PCDHA5: variants seen among roughly 807,000 people sequenced by gnomAD.
PCDHA5 encodes protocadherin alpha 5.
In PCDHA5, 43 loss-of-function variants were observed where a neutral mutation model predicts 61.6. The observed-to-expected ratio is 0.70, with a 90% CI of 0.55 to 0.90. The LOEUF (loss-of-function observed/expected upper bound fraction) is 0.90, where lower values mean the gene tolerates loss of function less well. PCDHA5 is among the 40% of genes least tolerant of loss of function. The probability of loss-of-function intolerance (pLI) is 0.00; values close to 1 mark genes in which losing one functional copy is unlikely to be tolerated. For synonymous variants in PCDHA5, 627 were observed against 543.9 expected (o/e 1.15, Z -2.13); for missense variants, 1,298 against 1,222.7 (o/e 1.06, Z -0.92).
At chr5:140,967,123 C>T in intron 1 of PCDHA5, 1 of 1,612,724 alleles carries the variant, frequency 6.2e-7, no homozygotes, top group Non-Finnish European at 8.5e-7. Context: ...GCTGCCTGCT[C>T]AGCTTGGAAG....
intron 1 of PCDHA5, chr5:140,836,228 G>A (rs2150255962): frequency 1.2e-6 from 2 of 1,613,770 alleles, no homozygotes; most frequent in Admixed American, 1.7e-5. Context: ...AACCGGTGGC[G>A]GCCGGTGCGA....
At chr5:140,829,863 T>C in intron 1 of PCDHA5, 3 of 1,613,908 alleles carry the variant, frequency 1.9e-6, no homozygotes, top group Non-Finnish European at 2.5e-6. Flanking sequence ...GGCCAAGTGG[T>C]GGCGAAGGTG....
intron 3 of PCDHA5, among the ~76,000 whole-genome samples, chr5:140,994,425 G>A (rs769335292): frequency 5.3e-5 from 8 of 152,118 alleles, no homozygotes; most frequent in African/African-American, 1.7e-4. Context: ...TATTGAGGCC[G>A]GGCGCAGTGG....
In PCDHA5 at chr5:140,822,378, A is replaced by T; in HGVS notation, c.603A>T (p.Arg201Ser). 6.2e-7 allele frequency: 1 copy of T among 1,614,170 alleles called. No individual in the cohort carries two copies. Among genetic ancestry groups the T allele is most frequent in the Non-Finnish European group, 8.5e-7 (1 of 1,180,038 alleles). Residue 201 changes from arginine to serine, a missense_variant, in exon 1 of 4, where the codon AGA becomes AGT. Transcript: ENST00000529859. ...LELVLRKSLD[R>S]EETQEHRLLV... ...TGGTTTTGAGGAAATCCTTAGATAG[A>T]GAAGAAACACAAGAACACCGTTTAT...
intron 1 of PCDHA5, chr5:140,858,468 G>A: frequency 6.6e-7 from 1 of 1,521,202 alleles, no homozygotes; most frequent in East Asian, 2.4e-5. Context: ...TTCCTTTTGT[G>A]CTTTATGAAT....
Position 140,822,326 on chromosome 5 carries a change from A to G in PCDHA5, c.551A>G (p.Asn184Ser). Residue 184 changes from asparagine (N) to serine (S), a missense_variant, in exon 1 of 4, where the codon AAT becomes AGT. By Grantham distance (46) the Asn-to-Ser change is conservative. Coordinates refer to ENST00000529859, the MANE Select transcript of PCDHA5 (RefSeq NM_018908.3). ...NEYFDLDVKTNEEETNFLELV... is the reference protein window; with the variant it reads ...NEYFDLDVKTSEEETNFLELV... ...TATTTTGACTTAGATGTTAAAACAA[A>G]TGAAGAAGAAACGAACTTTTTAGAG... 6.2e-7 allele frequency: 1 copy of G among 1,614,186 alleles called. No individual in the cohort carries two copies. Among genetic ancestry groups the G allele is most frequent in the Non-Finnish European group, 8.5e-7 (1 of 1,180,022 alleles).
chr5:140,823,024 G>T lies in PCDHA5; in HGVS notation c.1249G>T (p.Val417Leu), dbSNP rs2150121461. 3 of 1,614,202 alleles carry T rather than the reference G, an allele frequency of 1.9e-6. No homozygotes were observed. Among genetic ancestry groups the T allele is most frequent in the East Asian group, 2.2e-5 (1 of 44,884 alleles). ...GGACAGCGCCCTGGACCGCGAGAGC[G>T]TGTCGGTCTATGAGCTGGTGGTGAC... ...VLDSALDRES[V>L]SVYELVVTAR... Residue 417 changes from valine (V) to leucine (L), a missense_variant, in exon 1 of 4, where the codon GTG becomes TTG. Val to Leu is a conservative substitution (Grantham distance 32, BLOSUM62 1). Transcript: ENST00000529859.
chr5:140,856,177 C>T (rs200004763), intron 1 of PCDHA5: 1 of 1,598,248 alleles, frequency 6.3e-7, no homozygotes, highest in Non-Finnish European at 8.6e-7. Context: ...ACGGCACCTT[C>T]GTGGGCCGCA....
chr5:141,006,872 G>T (rs1211849672), intron 3 of PCDHA5, among the ~76,000 whole-genome samples: 1 of 152,144 alleles, frequency 6.6e-6, no homozygotes, highest in Non-Finnish European at 1.5e-5. Flanking sequence ...ATAGATTCGA[G>T]GAATCAAGAG....
chr5:140,998,524 T>A (rs553357630), intron 3 of PCDHA5, among the ~76,000 whole-genome samples: 1 of 152,328 alleles, frequency 6.6e-6, no homozygotes, highest in East Asian at 1.9e-4. Flanking sequence ...TTATTCATAT[T>A]TATATCCCTA....
intron 1 of PCDHA5, chr5:140,930,415 G>T (rs2086824319): frequency 6.6e-6 from 1 of 151,804 alleles, no homozygotes; most frequent in African/African-American, 2.4e-5. Flanking sequence ...TGAGACAGGG[G>T]TCTCACTATG....
intron 1 of PCDHA5, chr5:140,877,800 T>C (rs2057344527): frequency 6.2e-7 from 1 of 1,613,404 alleles, no homozygotes; most frequent in Non-Finnish European, 8.5e-7. Context: ...GCCCAAGCCT[T>C]CAGCTGTCTC....
intron 1 of PCDHA5, chr5:140,928,983 G>T: frequency 6.2e-7 from 1 of 1,613,838 alleles, no homozygotes; most frequent in Non-Finnish European, 8.5e-7. Flanking sequence ...TATTTCTGGG[G>T]TGCTTACTTT....
intron 1 of PCDHA5, chr5:140,829,291 C>T (rs1224318047): frequency 9.3e-6 from 15 of 1,614,130 alleles, no homozygotes; most frequent in Middle Eastern, 1.6e-4. Context: ...TGGTGTCCAC[C>T]TTCAAGAATT....
chr5:140,843,859 T>C lies in PCDHA5; in HGVS notation c.2352+19732T>C, dbSNP rs1779121343. ...GTTTTTAGAAACCTTTTATAATTAA[T>C]TGAATTTTCTCAGTGGCATAATACA... On this transcript the variant is annotated intron_variant, in intron 1 of 3. Coordinates refer to ENST00000529859, the MANE Select transcript of PCDHA5 (RefSeq NM_018908.3). 13 of 919,578 alleles carry C rather than the reference T, an allele frequency of 1.4e-5. No individual in the cohort carries two copies. The East Asian group carries it at 3.1e-4, about 22-fold the overall frequency. The allele number at this position is 919,578 out of a possible 1,614,324, so 57.0% of individuals were successfully genotyped here. A position where few individuals can be genotyped will look rare whatever the true frequency, so the allele number is the denominator to read the frequency against.
intron 1 of PCDHA5, chr5:140,852,259 C>A: frequency 2.0e-6 from 1 of 509,052 alleles, no homozygotes; most frequent in Non-Finnish European, 2.6e-6. Flanking sequence ...TTGGAATATG[C>A]TACAATATTA....
chr5:140,928,109 A>G (rs1472439079), intron 1 of PCDHA5: 1 of 1,614,104 alleles, frequency 6.2e-7, no homozygotes, highest in Middle Eastern at 1.6e-4. Flanking sequence ...CTGGACCGGG[A>G]GCAGATCAGT....
chr5:140,927,362 G>A, intron 1 of PCDHA5: 1 of 1,614,030 alleles, frequency 6.2e-7, no homozygotes, highest in Non-Finnish European at 8.5e-7. Context: ...GGAAGCAATG[G>A]GATACTAAGC....
chr5:140,829,943 G>C (rs2150178279), intron 1 of PCDHA5: 2 of 1,613,990 alleles, frequency 1.2e-6, no homozygotes, highest in East Asian at 2.2e-5. Flanking sequence ...GGCAAGCAGC[G>C]CTCGCTTCCC....
Sources: gnomAD v4.1 joint callset for allele counts (sites outside exome capture counted in the v4.1 genomes callset) on GRCh38, gnomAD v4.1.1 for gene constraint, MANE v1.5 for transcripts, NCBI Gene and HGNC (gene_info 2026-07-23, HGNC 2026-07-21) for gene names.